Variants in CALCR observed in about 807,000 individuals in gnomAD.
CALCR encodes the protein calcitonin receptor.
CALCR carries 47 observed loss-of-function variants against 59.5 expected under a neutral mutation model. The ratio of observed to expected loss-of-function variants is 0.79; its 90% CI spans 0.63 to 1.01. The LOEUF is 1.01. Ranked by LOEUF, CALCR falls within the 50% of genes least tolerant of loss-of-function variation. The pLI, the probability that CALCR is intolerant of heterozygous loss-of-function variation, is 0.00. For synonymous variants in CALCR, 213 were observed against 211.3 expected (o/e 1.01, Z -0.07); for missense variants, 566 against 597.1 (o/e 0.95, Z 0.54).
intron 2 of CALCR, among the ~76,000 whole-genome samples, chr7:93,569,167 G>A (rs1286915010): frequency 2.0e-5 from 3 of 151,370 alleles, no homozygotes; most frequent in African/African-American, 7.3e-5. Flanking sequence ...CAGTTAATCT[G>A]TATCCATCCT....
chr7:93,458,576 A>G (rs1189294068), intron 8 of CALCR, among the ~76,000 whole-genome samples: 2 of 152,080 alleles, frequency 1.3e-5, no homozygotes, highest in Non-Finnish European at 2.9e-5. Context: ...AGCTATGGGG[A>G]CCATCAGTAG....
chr7:93,472,869 G>C (rs1800583557), intron 5 of CALCR, among the ~76,000 whole-genome samples: 1 of 151,738 alleles, frequency 6.6e-6, no homozygotes, highest in Non-Finnish European at 1.5e-5. Context: ...TTTGATTATA[G>C]ATGGAAACTA....
chr7:93,507,623 G>T (rs1023711838), intron 2 of CALCR, among the ~76,000 whole-genome samples: 2 of 150,680 alleles, frequency 1.3e-5, no homozygotes, highest in African/African-American at 2.4e-5. Context: ...AAAAAAAAAA[G>T]AAGGTCAGGC....
intron 13 of CALCR, among the ~76,000 whole-genome samples, chr7:93,429,076 A>C (rs1414473164): frequency 6.6e-6 from 1 of 152,226 alleles, no homozygotes; most frequent in African/African-American, 2.4e-5. Context: ...AAAAGTTATT[A>C]TTACAGAAAG....
intron 11 of CALCR, among the ~76,000 whole-genome samples, chr7:93,436,487 T>A (rs1173753691): frequency 6.6e-6 from 1 of 152,224 alleles, no homozygotes; most frequent in Non-Finnish European, 1.5e-5. Context: ...TACCTCATTC[T>A]TGTTTTAATC....
At chr7:93,429,701 T>C (rs1217881132) in intron 13 of CALCR, among the ~76,000 whole-genome samples, 1 of 152,194 alleles carries the variant, frequency 6.6e-6, no homozygotes, top group African/African-American at 2.4e-5. Context: ...TCTAAGTACC[T>C]ACTATAGTTA....
intron 6 of CALCR, among the ~76,000 whole-genome samples, chr7:93,469,885 T>C (rs987328070): frequency 3.3e-5 from 5 of 151,800 alleles, no homozygotes; most frequent in African/African-American, 1.2e-4. Flanking sequence ...GTAGAATTTA[T>C]ATATCCTTGA....
intron 2 of CALCR, among the ~76,000 whole-genome samples, chr7:93,551,633 C>T (rs1457881881): frequency 6.6e-6 from 1 of 152,148 alleles, no homozygotes; most frequent in African/African-American, 2.4e-5. Flanking sequence ...GGTCTACCAT[C>T]CCCTGACCCT....
At chr7:93,458,297 G>A (rs963597824) in intron 8 of CALCR, among the ~76,000 whole-genome samples, 1 of 152,126 alleles carries the variant, frequency 6.6e-6, no homozygotes. Flanking sequence ...TGCATGCTCT[G>A]GGCAGATTTC....
chr7:93,534,829 T>C (rs932184968), intron 2 of CALCR, among the ~76,000 whole-genome samples: 1 of 151,704 alleles, frequency 6.6e-6, no homozygotes, highest in East Asian at 1.9e-4. Flanking sequence ...AGAGAGCTAG[T>C]GTTTAGAAAT....
chr7:93,524,660 C>T (rs913291121), intron 2 of CALCR, among the ~76,000 whole-genome samples: 1 of 151,920 alleles, frequency 6.6e-6, no homozygotes, highest in Admixed American at 6.6e-5. Flanking sequence ...GTTCTCTTCC[C>T]ACAGAAGGCT....
chr7:93,438,690 C>A (rs73419373), intron 9 of CALCR, among the ~76,000 whole-genome samples: 4 of 152,172 alleles, frequency 2.6e-5, no homozygotes, highest in Non-Finnish European at 5.9e-5. Flanking sequence ...AAGCAATAGT[C>A]TGATTGCTCC....
At chr7:93,549,826 A>G (rs1480132352) in intron 2 of CALCR, among the ~76,000 whole-genome samples, 1 of 152,214 alleles carries the variant, frequency 6.6e-6, no homozygotes, top group Non-Finnish European at 1.5e-5. Flanking sequence ...TGATAAGTAC[A>G]TTCAAGAGAT....
intron 2 of CALCR, among the ~76,000 whole-genome samples, chr7:93,563,099 A>G (rs1296172956): frequency 6.6e-6 from 1 of 152,188 alleles, no homozygotes; most frequent in Non-Finnish European, 1.5e-5. Flanking sequence ...TTTCAGTATC[A>G]GAACAAATCC....
chr7:93,518,884 T>C (rs1471487506), intron 2 of CALCR, among the ~76,000 whole-genome samples: 1 of 132,608 alleles, frequency 7.5e-6, no homozygotes, highest in African/African-American at 2.6e-5. Context: ...CCAAGATATA[T>C]CTGGAATGAT....
intron 2 of CALCR, among the ~76,000 whole-genome samples, chr7:93,524,959 C>T (rs1049169916): frequency 1.3e-5 from 2 of 151,976 alleles, no homozygotes; most frequent in Non-Finnish European, 2.9e-5. Context: ...ACATATTTAC[C>T]TTATTGGGTT....
At chr7:93,444,788 A>C (rs1434778977) in intron 8 of CALCR, among the ~76,000 whole-genome samples, 1 of 152,036 alleles carries the variant, frequency 6.6e-6, no homozygotes, top group African/African-American at 2.4e-5. Flanking sequence ...GGTTATTTGC[A>C]TTACTATTAT....
Position 93,435,971 on chromosome 7 carries a change from T to C in CALCR, c.1130A>G (p.His377Arg). ...CCTTACCTGGAAATGAATCAGAGAG[T>C]GCATCACGTAATCATATATCTTCCC... ...MLGKIYDYVMHSLIHFQGFFV... is the reference protein window; with the variant it reads ...MLGKIYDYVMRSLIHFQGFFV... Residue 377 changes from histidine (H) to arginine (R), a missense_variant, in exon 12 of 14, where the codon CAC (histidine) becomes CGC (arginine). Physicochemically the swap from His to Arg is conservative, Grantham distance 29. Transcript: ENST00000426151. The C allele has an allele frequency of 6.2e-7, 1 of 1,608,484 alleles. No individual in the cohort carries two copies. Among genetic ancestry groups the C allele is most frequent in the Non-Finnish European group, 8.5e-7 (1 of 1,175,280 alleles).
At chr7:93,532,524 A>G (rs1419581687) in intron 2 of CALCR, among the ~76,000 whole-genome samples, 2 of 152,080 alleles carry the variant, frequency 1.3e-5, no homozygotes, top group African/African-American at 2.4e-5. Context: ...ACAGATGGAT[A>G]ATAAGAGTAA....
Sources: gnomAD v4.1 joint callset for allele counts (sites outside exome capture counted in the v4.1 genomes callset) on GRCh38, gnomAD v4.1.1 for gene constraint, MANE v1.5 for transcripts, NCBI Gene and HGNC (gene_info 2026-07-23, HGNC 2026-07-21) for gene names.